Variants in CCSER1 observed in about 807,000 individuals in gnomAD.
The protein encoded by CCSER1 is coiled-coil serine rich protein 1.
In CCSER1, 41 loss-of-function variants were observed where a neutral mutation model predicts 82.0. That is an observed-to-expected ratio of 0.50 (90% CI 0.39 to 0.65). The LOEUF (loss-of-function observed/expected upper bound fraction) is 0.65. Ranked by LOEUF, CCSER1 falls within the 30% of genes least tolerant of loss-of-function variation. CCSER1 has a pLI of 0.00. For missense variants in CCSER1, 1,119 were observed against 1,064.2 expected (o/e 1.05, Z -0.72); for synonymous variants, 414 against 383.9 (o/e 1.08, Z -0.92).
At chr4:90,635,095 T>TA (rs1199149249) in intron 6 of CCSER1, among the ~76,000 whole-genome samples, 1 of 151,644 alleles carries the variant, frequency 6.6e-6, no homozygotes, top group Non-Finnish European at 1.5e-5. Flanking sequence ...AGTGAAGAAA[T>TA]AAACAAATTA....
At chr4:90,324,293 C>G (rs1448623694) in intron 3 of CCSER1, among the ~76,000 whole-genome samples, 2 of 151,738 alleles carry the variant, frequency 1.3e-5, no homozygotes, top group African/African-American at 4.9e-5. Context: ...CCAACAGTGT[C>G]AAAGTGTTCC....
At chr4:90,766,635 T>C (rs1751279832) in intron 7 of CCSER1, among the ~76,000 whole-genome samples, 1 of 151,946 alleles carries the variant, frequency 6.6e-6, no homozygotes, top group Non-Finnish European at 1.5e-5. Flanking sequence ...AACCTGTTTC[T>C]AAAAAATAAA....
intron 5 of CCSER1, among the ~76,000 whole-genome samples, chr4:90,625,678 C>G (rs1404461368): frequency 6.6e-6 from 1 of 152,180 alleles, no homozygotes; most frequent in Non-Finnish European, 1.5e-5. Context: ...TCCTATTAAT[C>G]TCTGCAACTT....
intron 8 of CCSER1, among the ~76,000 whole-genome samples, chr4:90,875,646 A>G (rs979119231): frequency 1.3e-5 from 2 of 152,184 alleles, no homozygotes; most frequent in African/African-American, 4.8e-5. Context: ...ATTATTCCCT[A>G]AGGTATTATA....
intron 4 of CCSER1, among the ~76,000 whole-genome samples, chr4:90,443,035 C>G (rs1294477260): frequency 6.6e-6 from 1 of 152,052 alleles, no homozygotes; most frequent in South Asian, 2.1e-4. Flanking sequence ...CATATTTTTT[C>G]CTAGGCATCC....
intron 1 of CCSER1, among the ~76,000 whole-genome samples, chr4:90,140,643 G>A (rs945692341): frequency 1.4e-5 from 2 of 140,300 alleles, no homozygotes; most frequent in African/African-American, 5.1e-5. Flanking sequence ...TTCCAATCAG[G>A]TATTTTTGGT....
chr4:91,520,935 G>A (rs1760428609), intron 10 of CCSER1, among the ~76,000 whole-genome samples: 1 of 152,048 alleles, frequency 6.6e-6, no homozygotes, highest in African/African-American at 2.4e-5. Context: ...TGTGCACAAT[G>A]TGCAGGTTTG....
At chr4:90,460,656 T>C (rs1762781855) in intron 4 of CCSER1, among the ~76,000 whole-genome samples, 2 of 152,160 alleles carry the variant, frequency 1.3e-5, no homozygotes, top group South Asian at 2.1e-4. Flanking sequence ...TATCTCAAGA[T>C]GATATTAGCC....
intron 6 of CCSER1, among the ~76,000 whole-genome samples, chr4:90,722,401 A>G (rs987789823): frequency 6.6e-6 from 1 of 151,862 alleles, no homozygotes; most frequent in African/African-American, 2.4e-5. Context: ...AGCTTCATTC[A>G]TGTCTTACGT....
At chr4:90,969,794 T>G (rs1734915606) in intron 9 of CCSER1, among the ~76,000 whole-genome samples, 1 of 151,956 alleles carries the variant, frequency 6.6e-6, no homozygotes, top group South Asian at 2.1e-4. Flanking sequence ...GATGCAGCAG[T>G]GGTAGTGTGT....
chr4:90,188,811 AG>A (rs934786106), intron 1 of CCSER1, among the ~76,000 whole-genome samples: 41 of 151,982 alleles, frequency 2.7e-4, no homozygotes, highest in Non-Finnish European at 2.5e-4. Context: ...ATCCTGGATT[AG>A]TATATTTCAT....
intron 6 of CCSER1, among the ~76,000 whole-genome samples, chr4:90,640,858 A>G (rs1490104146): frequency 2.0e-5 from 3 of 152,154 alleles, no homozygotes; most frequent in Non-Finnish European, 4.4e-5. Context: ...AGCCATGCTG[A>G]ATTATGAGTC....
chr4:91,514,547 GT>G (rs1219712645), intron 10 of CCSER1, among the ~76,000 whole-genome samples: 1 of 152,144 alleles, frequency 6.6e-6, no homozygotes, highest in Non-Finnish European at 1.5e-5. Context: ...TGTCAGTGGG[GT>G]TTTTAATTCC....
chr4:90,364,733 G>T (rs569031335), intron 3 of CCSER1, among the ~76,000 whole-genome samples: 48 of 152,060 alleles, frequency 3.2e-4, no homozygotes, highest in African/African-American at 1.1e-3. Flanking sequence ...CAGTTAGTGT[G>T]ATGATGTAGA....
intron 7 of CCSER1, among the ~76,000 whole-genome samples, chr4:90,755,597 C>G (rs62312996): frequency 6.6e-6 from 1 of 151,924 alleles, no homozygotes; most frequent in East Asian, 1.9e-4. Context: ...ACGTATTCTG[C>G]TTAATACTGT....
At chr4:91,058,051 G>C (rs1319482962) in intron 9 of CCSER1, among the ~76,000 whole-genome samples, 8 of 152,106 alleles carry the variant, frequency 5.3e-5, no homozygotes, top group Admixed American at 2.6e-4. Flanking sequence ...AGAGGTACAA[G>C]TGCAGGCTTG....
At chr4:90,280,535 C>CAATA (rs1728672268) in intron 1 of CCSER1, among the ~76,000 whole-genome samples, 1 of 151,870 alleles carries the variant, frequency 6.6e-6, no homozygotes, top group Admixed American at 6.6e-5. Flanking sequence ...AATGGATCCC[C>CAATA]AATAAATAGG....
At chr4:90,594,365 A>G (rs907598870) in intron 5 of CCSER1, among the ~76,000 whole-genome samples, 45 of 152,208 alleles carry the variant, frequency 3.0e-4, no homozygotes, top group African/African-American at 1.0e-3. Flanking sequence ...ATTTAGTAAG[A>G]AACATGGCTT....
intron 8 of CCSER1, among the ~76,000 whole-genome samples, chr4:90,825,833 G>A (rs141159899): frequency 5.1e-4 from 76 of 150,144 alleles, no homozygotes; most frequent in African/African-American, 1.7e-3. Flanking sequence ...AGGTTCAAGC[G>A]ATTCTCCTGC....
Sources: allele counts gnomAD v4.1 joint callset (sites outside exome capture counted in the v4.1 genomes callset), GRCh38; gene constraint gnomAD v4.1.1; transcripts MANE v1.5; gene names NCBI Gene and HGNC (gene_info 2026-07-23, HGNC 2026-07-21).